Variants in CDH4 observed in about 807,000 individuals in gnomAD.
CDH4 encodes the protein cadherin-4.
In CDH4, 33 loss-of-function variants were observed where a neutral mutation model predicts 86.0. The observed-to-expected ratio is 0.38, with a 90% CI of 0.29 to 0.51. CDH4 has a LOEUF of 0.51. Ranked by LOEUF, CDH4 falls within the 20% of genes least tolerant of loss-of-function variation. The pLI, the probability that CDH4 is intolerant of heterozygous loss-of-function variation, is 0.86. For synonymous variants in CDH4, 555 were observed against 549.4 expected (o/e 1.01, Z -0.14); for missense variants, 1,114 against 1,307.4 (o/e 0.85, Z 2.28).
intron 7 of CDH4, among the ~76,000 whole-genome samples, chr20:61,881,283 G>A (rs1199180743): frequency 3.3e-5 from 5 of 152,360 alleles, no homozygotes; most frequent in East Asian, 3.9e-4. Context: ...GCTGCGCTGC[G>A]AAGGGAGGGG....
At chr20:61,282,880 T>C (rs1424919331) in intron 2 of CDH4, among the ~76,000 whole-genome samples, 22 of 152,060 alleles carry the variant, frequency 1.4e-4, no homozygotes, top group African/African-American at 3.9e-4. Flanking sequence ...GTGTGTGATG[T>C]ACGTGCATTT....
intron 2 of CDH4, among the ~76,000 whole-genome samples, chr20:61,626,261 A>G (rs1180685800): frequency 6.6e-6 from 1 of 151,956 alleles, no homozygotes; most frequent in African/African-American, 2.4e-5. Context: ...TTTAAATGGG[A>G]CGTCAGAGCA....
At chr20:61,706,074 T>C (rs1453051925) in intron 2 of CDH4, among the ~76,000 whole-genome samples, 2 of 152,198 alleles carry the variant, frequency 1.3e-5, no homozygotes, top group Non-Finnish European at 2.9e-5. Flanking sequence ...TCCCACCCCA[T>C]TGTGCCCAGT....
intron 4 of CDH4, among the ~76,000 whole-genome samples, chr20:61,808,783 C>T (rs770478707): frequency 3.3e-5 from 5 of 152,198 alleles, no homozygotes; most frequent in South Asian, 2.1e-4. Context: ...CACACCCGCC[C>T]GCCTGCCCCC....
intron 4 of CDH4, among the ~76,000 whole-genome samples, chr20:61,837,281 G>A (rs189258955): frequency 1.1e-4 from 17 of 152,328 alleles, no homozygotes; most frequent in Admixed American, 7.8e-4. Context: ...CAGGATGTTC[G>A]TCTCCTGTGG....
chr20:61,931,514 G>T (rs1056590517), intron 13 of CDH4, among the ~76,000 whole-genome samples: 1 of 152,236 alleles, frequency 6.6e-6, no homozygotes, highest in Non-Finnish European at 1.5e-5. Flanking sequence ...GGGGGTCGCC[G>T]CCCCTCTCGC....
At chr20:61,399,223 C>T (rs1291236161) in intron 2 of CDH4, among the ~76,000 whole-genome samples, 1 of 106,084 alleles carries the variant, frequency 9.4e-6, no homozygotes, top group Non-Finnish European at 1.9e-5. Context: ...AGCTCCGCTT[C>T]CCGGGTTCAC....
At chr20:61,711,774 C>T (rs1046143312) in intron 2 of CDH4, among the ~76,000 whole-genome samples, 1 of 152,088 alleles carries the variant, frequency 6.6e-6, no homozygotes, top group Non-Finnish European at 1.5e-5. Context: ...TGGGTAGCAC[C>T]GTGTGCGGGG....
intron 2 of CDH4, among the ~76,000 whole-genome samples, chr20:61,289,223 C>T (rs1052207155): frequency 6.6e-6 from 1 of 152,182 alleles, no homozygotes; most frequent in Non-Finnish European, 1.5e-5. Context: ...ATGTGCTGAG[C>T]GGCGTGCTCC....
Position 61,923,583 on chromosome 20 carries a change from G to C in CDH4, c.1507G>C (p.Glu503Gln), listed in dbSNP as rs1219356997. Reference protein sequence around the residue: ...GVTISIMDINEAPYFPSNHKL... With the variant: ...GVTISIMDINQAPYFPSNHKL... ...GACCATCTCCATCATGGACATCAACGAGGCTCCCTACTTCCCCTCAAACCA... is the reference window on the plus strand; with the variant it reads ...GACCATCTCCATCATGGACATCAACCAGGCTCCCTACTTCCCCTCAAACCA... The change falls in exon 10 of 16, where the codon GAG becomes CAG. Residue 503 changes from glutamate to glutamine, a missense_variant. Coordinates refer to ENST00000614565, the MANE Select transcript of CDH4 (RefSeq NM_001794.5). 1 of 1,614,154 alleles carries C rather than the reference G, an allele frequency of 6.2e-7. No individual in the cohort carries two copies. The highest frequency in any genetic ancestry group is 8.5e-7 in the Non-Finnish European group (1 of 1,180,026).
intron 2 of CDH4, among the ~76,000 whole-genome samples, chr20:61,416,760 C>T (rs144040454): frequency 1.7e-3 from 256 of 152,322 alleles, no homozygotes; most frequent in African/African-American, 5.6e-3. Context: ...GACAGCATGG[C>T]GCTGGGCGAG....
intron 2 of CDH4, among the ~76,000 whole-genome samples, chr20:61,674,459 A>C (rs1345042577): frequency 6.6e-6 from 1 of 152,146 alleles, no homozygotes; most frequent in African/African-American, 2.4e-5. Flanking sequence ...AGGACACATG[A>C]CAGTTCACAG....
intron 2 of CDH4, among the ~76,000 whole-genome samples, chr20:61,512,575 G>GAGA (rs1205267077): frequency 6.6e-6 from 1 of 152,166 alleles, no homozygotes; most frequent in East Asian, 1.9e-4. Context: ...TCATGGGAGG[G>GAGA]AGATGAATGG....
intron 2 of CDH4, among the ~76,000 whole-genome samples, chr20:61,333,318 A>C (rs1416137797): frequency 6.6e-6 from 1 of 152,154 alleles, no homozygotes; most frequent in East Asian, 1.9e-4. Flanking sequence ...GGAGCTGGCA[A>C]GTTTCTCTTT....
chr20:61,298,520 G>T (rs2427052), intron 2 of CDH4, among the ~76,000 whole-genome samples: 5 of 151,792 alleles, frequency 3.3e-5, no homozygotes, highest in Admixed American at 6.6e-5. Flanking sequence ...TCAGGAACAC[G>T]GCATGCACAA....
chr20:61,268,023 A>T (rs2084165763), intron 2 of CDH4, among the ~76,000 whole-genome samples: 1 of 152,154 alleles, frequency 6.6e-6, no homozygotes, highest in Non-Finnish European at 1.5e-5. Context: ...CTGATTGCAG[A>T]CGTGGGTCTG....
In CDH4 at chr20:61,767,319, C is replaced by CT. The variant is rs1170537174; in HGVS notation, c.397-5683dup. Among the ~76,000 whole-genome samples, 3 of 152,220 alleles carry CT rather than the reference C, an allele frequency of 2.0e-5. No individual in the cohort carries two copies. The East Asian group carries it at 5.8e-4, about 29-fold the overall frequency. ...AGTTTGCTCCATAGAAAGTGAGTGG[C>CT]TATCAGGGCCCTGCTGCCCCCACCG... On this transcript the variant is annotated intron_variant, in intron 3 of 15. Transcript: ENST00000614565.
intron 2 of CDH4, among the ~76,000 whole-genome samples, chr20:61,331,270 G>A (rs956119322): frequency 2.0e-5 from 3 of 151,930 alleles, no homozygotes; most frequent in Non-Finnish European, 4.4e-5. Flanking sequence ...CCCTCAGCCT[G>A]TTCTCACTGC....
At chr20:61,273,707 T>TTGGG in intron 2 of CDH4, among the ~76,000 whole-genome samples, 1 of 146,992 alleles carries the variant, frequency 6.8e-6, no homozygotes, top group Admixed American at 6.8e-5. Flanking sequence ...ATGTGCAGTT[T>TTGGG]GGGTAAGTAC....
Sources: gnomAD v4.1 joint callset for allele counts (sites outside exome capture counted in the v4.1 genomes callset) on GRCh38, gnomAD v4.1.1 for gene constraint, MANE v1.5 for transcripts, NCBI Gene and HGNC (gene_info 2026-07-23, HGNC 2026-07-21) for gene names.